PRC1: variants seen among roughly 807,000 people sequenced by gnomAD.
The protein encoded by PRC1 is protein regulator of cytokinesis 1.
PRC1 carries 54 observed loss-of-function variants against 91.2 expected under a neutral mutation model. The observed-to-expected ratio is 0.59, with a 90% CI of 0.48 to 0.74. PRC1 has a LOEUF of 0.74. PRC1 is among the 30% of genes least tolerant of loss of function. PRC1 has a pLI of 0.00. For synonymous variants in PRC1, 275 were observed against 263.6 expected (o/e 1.04, Z -0.42); for missense variants, 727 against 746.2 (o/e 0.97, Z 0.30).
At chr15:90,980,511 A>AATT in intron 6 of PRC1, 122 bp from the exon 7 acceptor site, 3 of 811,422 alleles carry the variant, frequency 3.7e-6, no homozygotes, top group Non-Finnish European at 5.2e-6. Flanking sequence ...ATAAATCAAC[A>AATT]CTTTTTTTTT....
rs759813326 is a variant in PRC1, at chr15:90,966,473, C to T, written c.*658G>A. 1.3e-5 allele frequency: 5 copies of T among 398,922 alleles called. No homozygotes were observed. The highest frequency in any genetic ancestry group is 8.0e-5 in the East Asian group (1 of 12,550). 24.7% of individuals were successfully genotyped at this position (398,922 alleles called of 1,614,324 possible). On this transcript the variant is annotated 3_prime_UTR_variant, in exon 15 of 15. Transcript: ENST00000394249. ...AGCCAAGGGACAAACGCCGAGAAAG[C>T]GTTCCGACAAGCATGTGTGTTCATA...
At chr15:90,990,393 T>G (rs981969426) in intron 1 of PRC1, among the ~76,000 whole-genome samples, 1 of 54,926 alleles carries the variant, frequency 1.8e-5, no homozygotes, top group Non-Finnish European at 2.7e-5. Context: ...AATAAATAAT[T>G]TTTTTTTTTT....
chr15:90,974,333 C>G lies in PRC1; in HGVS notation c.1351-87G>C. 8.0e-7 allele frequency: 1 copy of G among 1,242,310 alleles called. No individual in the cohort carries two copies. The highest frequency in any genetic ancestry group is 1.3e-5 in the South Asian group (1 of 79,984). The allele number at this position is 1,242,310 out of a possible 1,614,324, so 77.0% of individuals were successfully genotyped here. ...ACAGCAGCAGGGCCGGGAATCTAGG[C>G]CCGTGTCTCTACAGCCAGAGCTAAA... On this transcript the variant is annotated intron_variant, in intron 10 of 14. Transcript: ENST00000394249. The surrounding 1 kb of genome is among the most constrained non-coding windows in gnomAD (Gnocchi z 4.6).
intron 11 of PRC1, among the ~76,000 whole-genome samples, chr15:90,972,498 CT>C (rs1239446794): frequency 2.6e-5 from 4 of 152,122 alleles, no homozygotes; most frequent in Non-Finnish European, 5.9e-5. Flanking sequence ...AATCCCAGCA[CT>C]TTGGAAGTCA....
chr15:90,980,195 G>A, intron 7 of PRC1, 47 bp downstream of exon 7: 1 of 1,542,490 alleles, frequency 6.5e-7, no homozygotes, highest in Non-Finnish European at 8.7e-7. Context: ...AACAGAGTAA[G>A]ACCTGTCTCC....
At position 90,979,206 on chromosome 15, in the gene PRC1, T is replaced by C; in HGVS notation, c.1059A>G (p.Glu353=). The change falls in exon 8 of 15, where the codon GAA becomes GAG. Residue 353 remains glutamate, a synonymous_variant. Coordinates refer to ENST00000394249, the MANE Select transcript of PRC1 (RefSeq NM_003981.4). ...AGGTTTCTTCCCACTTCTGGACACC[T>C]TCAAAGAGTTCCTTGTGAACTTCAT... ...NYYEVHKELF[E]GVQKWEETWR... The C allele has an allele frequency of 6.2e-7, 1 of 1,614,176 alleles. No homozygotes were observed. The highest frequency in any genetic ancestry group is 1.1e-5 in the South Asian group (1 of 91,088).
At chr15:90,982,592 G>C (rs1204476645) in intron 3 of PRC1, 3 of 152,732 alleles carry the variant, frequency 2.0e-5, no homozygotes, top group African/African-American at 7.2e-5. Flanking sequence ...ACTAAAAATA[G>C]AAAAATTAGC....
intron 1 of PRC1, among the ~76,000 whole-genome samples, chr15:90,990,404 T>A (rs1292106857): frequency 2.0e-5 from 3 of 150,852 alleles, no homozygotes; most frequent in Non-Finnish European, 4.4e-5. Context: ...TTTTTTTTTT[T>A]TTTAAGAGGT....
chr15:90,976,537 A>ATAC, intron 9 of PRC1, 139 bp downstream of exon 9: 1 of 686,456 alleles, frequency 1.5e-6, no homozygotes, highest in South Asian at 1.9e-5. Context: ...GGAGTTGCTT[A>ATAC]TACTAAATAT....
Position 90,974,284 on chromosome 15 carries a change from GA to G in PRC1, c.1351-39del, listed in dbSNP as rs762415425. The G allele has an allele frequency of 1.5e-5, 24 of 1,551,786 alleles. No individual in the cohort carries two copies. In the African/African-American group the frequency reaches 3.3e-4, roughly 21 times the overall value. On this transcript the variant is annotated intron_variant, in intron 10 of 14. Transcript: ENST00000394249. This position sits in a 1 kb window ranked among gnomAD's most constrained non-coding sequence, Gnocchi z 4.6. ...CAGAAGCAACAGTGATAAATCTCAG[GA>G]AGAGAGCGGGTCTGGGATGGCAACA...
At chr15:90,970,923 CTG>C (rs1480349073) in intron 11 of PRC1, among the ~76,000 whole-genome samples, 2 of 152,232 alleles carry the variant, frequency 1.3e-5, no homozygotes, top group African/African-American at 2.4e-5. Flanking sequence ...GACAAGCAAA[CTG>C]TGGTAAATTC....
At chr15:90,983,917 T>C (rs1053109061) in intron 3 of PRC1, 101 bp downstream of exon 3, 1 of 1,463,688 alleles carries the variant, frequency 6.8e-7, no homozygotes, top group Non-Finnish European at 9.3e-7. Context: ...TCTAGCTCCA[T>C]CCCTACGAGG....
rs2037799432 is a variant in PRC1, at chr15:90,968,982, G to GA, written c.1791+96dup. On this transcript the variant is annotated intron_variant, in intron 14 of 14. Coordinates refer to ENST00000394249, the MANE Select transcript of PRC1 (RefSeq NM_003981.4). Reference sequence around the variant, plus strand: ...TTCCTGCTTCCTTTGTAACACTGCTGAGATTATTAGTTAGTGTAGCCCTGT... The same window carrying GA: ...TTCCTGCTTCCTTTGTAACACTGCTGAAGATTATTAGTTAGTGTAGCCCTGT... The GA allele has an allele frequency of 1.9e-6, 3 of 1,590,330 alleles. No individual in the cohort carries two copies. The South Asian group carries it at 3.4e-5, about 18-fold the overall frequency.
rs759336173 is a variant in PRC1 at position 90,969,089 on chromosome 15, A to G, written c.1781T>C (p.Val594Ala). The stretch of plus-strand genomic sequence containing the variant: ...GATTGCCATACAGACCTGAAGCCCA[A>G]CAGTGGAACTGTCAGAGAGGGACGG... ...KDPSLSDSST[V>A]GLQRELSKAS... The change falls in exon 14 of 15, where the codon GTT becomes GCT. Residue 594 changes from valine to alanine, a missense_variant. Val to Ala is a moderately conservative substitution (Grantham distance 64). Transcript: ENST00000394249. 1.9e-6 allele frequency: 3 copies of G among 1,614,122 alleles called. No homozygotes were observed. The highest frequency in any genetic ancestry group is 2.5e-6 in the Non-Finnish European group (3 of 1,179,978).
At chr15:90,972,340 G>A (rs573088593) in intron 11 of PRC1, among the ~76,000 whole-genome samples, 2 of 152,076 alleles carry the variant, frequency 1.3e-5, no homozygotes, top group East Asian at 3.9e-4. Flanking sequence ...CCATGATGGC[G>A]CCACTGCACT....
In PRC1 at chr15:90,966,572, C is replaced by G. The variant is rs1220061102; in HGVS notation, c.*559G>C. On this transcript the variant is annotated 3_prime_UTR_variant, in exon 15 of 15. Coordinates refer to ENST00000394249, the MANE Select transcript of PRC1 (RefSeq NM_003981.4). ...ACAATTTAACAAAGCTGCTCCCAGC[C>G]TTCCTGTCACCTCTTTGGCAGTAGG... is the stretch of plus-strand genomic sequence containing the variant. The G allele has an allele frequency of 2.2e-6, 1 of 456,048 alleles. No homozygotes were observed. The highest frequency in any genetic ancestry group is 2.0e-5 in the African/African-American group (1 of 50,084). 28.3% of individuals were successfully genotyped at this position (456,048 alleles called of 1,614,324 possible).
intron 9 of PRC1, 108 bp downstream of exon 9, chr15:90,976,568 A>G: frequency 1.1e-6 from 1 of 922,124 alleles, no homozygotes; most frequent in Non-Finnish European, 1.7e-6. Context: ...ATCTCTGCCT[A>G]AGCTTTGAAG....
chr15:90,992,639 TATC>T, intron 1 of PRC1, among the ~76,000 whole-genome samples: 1 of 152,266 alleles, frequency 6.6e-6, no homozygotes, highest in East Asian at 1.9e-4. Context: ...TATGAACAAT[TATC>T]ATGATACACT....
intron 1 of PRC1, among the ~76,000 whole-genome samples, chr15:90,990,903 T>C (rs1166221776): frequency 1.3e-5 from 2 of 151,642 alleles, no homozygotes; most frequent in African/African-American, 2.4e-5. Context: ...CTCAGCCTCC[T>C]GAGTAGCTGG....
Sources: allele counts gnomAD v4.1 joint callset (sites outside exome capture counted in the v4.1 genomes callset), GRCh38; gene constraint gnomAD v4.1.1; non-coding constraint Gnocchi (gnomAD v3.1); transcripts MANE v1.5; gene names NCBI Gene and HGNC (gene_info 2026-07-23, HGNC 2026-07-21).